IGF2BP1: variants seen among roughly 807,000 people sequenced by gnomAD.
IGF2BP1 encodes insulin-like growth factor 2 mRNA-binding protein 1.
In IGF2BP1, 11 loss-of-function variants were observed where a neutral mutation model predicts 74.9. The ratio of observed to expected loss-of-function variants is 0.15; its 90% confidence interval spans 0.09 to 0.24. The LOEUF (loss-of-function observed/expected upper bound fraction) is 0.24, where lower values mean the gene tolerates loss of function less well. Ranked by LOEUF, IGF2BP1 falls within the 10% of genes least tolerant of loss-of-function variation. IGF2BP1 has a pLI of 1.00. For synonymous variants in IGF2BP1, 287 were observed against 281.8 expected (o/e 1.02, Z -0.18); for missense variants, 440 against 757.4 (o/e 0.58, Z 4.92).
At chr17:49,046,069 C>T in intron 13 of IGF2BP1, 48 bp downstream of exon 13, 1 of 1,601,030 alleles carries the variant, frequency 6.2e-7, no homozygotes, top group Non-Finnish European at 8.5e-7. Flanking sequence ...GGTCTCCAAT[C>T]TCAGCAGCTC....
chr17:49,027,535 A>T (rs1212279469), intron 4 of IGF2BP1, among the ~76,000 whole-genome samples: 1 of 152,116 alleles, frequency 6.6e-6, no homozygotes, highest in Non-Finnish European at 1.5e-5. Flanking sequence ...ACAGAAGGAA[A>T]AATGATAAAG....
At chr17:49,027,365 G>A (rs1041763228) in intron 4 of IGF2BP1, among the ~76,000 whole-genome samples, 3 of 152,094 alleles carry the variant, frequency 2.0e-5, no homozygotes, top group African/African-American at 7.2e-5. Flanking sequence ...AAAGCTTCGT[G>A]TTTCTTGCTT....
chr17:49,041,817 T>C (rs1050486475), intron 8 of IGF2BP1, among the ~76,000 whole-genome samples: 20 of 152,172 alleles, frequency 1.3e-4, no homozygotes, highest in African/African-American at 4.6e-4. Flanking sequence ...GGCTTTAGGC[T>C]TGTCTGTCAC....
chr17:49,026,639 TCCTTCCTG>T (rs201911985), intron 4 of IGF2BP1, 122 bp downstream of exon 4: 42 of 772,512 alleles, frequency 5.4e-5, no homozygotes, highest in African/African-American at 2.4e-4. Flanking sequence ...CTTCCTGCCT[TCCTTCCTG>T]CCTGCCTTCC....
chr17:49,014,937 C>T (rs2041676162), intron 2 of IGF2BP1: 2 of 985,110 alleles, frequency 2.0e-6, no homozygotes, highest in Non-Finnish European at 2.4e-6. Flanking sequence ...GGACAGAGCC[C>T]GACTCTGTCT....
intron 12 of IGF2BP1, among the ~76,000 whole-genome samples, chr17:49,045,356 A>C (rs1247287641): frequency 6.6e-6 from 1 of 152,234 alleles, no homozygotes; most frequent in Non-Finnish European, 1.5e-5. Flanking sequence ...AAGGCCTTTA[A>C]TGCCAAATTC....
At chr17:49,032,676 C>T (rs960500205) in intron 5 of IGF2BP1, among the ~76,000 whole-genome samples, 1 of 152,232 alleles carries the variant, frequency 6.6e-6, no homozygotes, top group Admixed American at 6.5e-5. Context: ...AATCCTACCT[C>T]TTCTTCAAAT....
chr17:49,035,020 C>A (rs575403543), intron 5 of IGF2BP1, among the ~76,000 whole-genome samples: 2 of 152,140 alleles, frequency 1.3e-5, no homozygotes, highest in Non-Finnish European at 2.9e-5. Context: ...ATTAAACTCC[C>A]GAATTTTAAA....
chr17:49,025,561 C>A, intron 2 of IGF2BP1, 57 bp from the exon 3 acceptor site: 1 of 1,486,356 alleles, frequency 6.7e-7, no homozygotes, highest in Non-Finnish European at 9.3e-7. Context: ...ACTGCGAGTT[C>A]ACAGACCCCT....
chr17:49,035,600 A>T (rs897158879), intron 5 of IGF2BP1, among the ~76,000 whole-genome samples: 2 of 152,182 alleles, frequency 1.3e-5, no homozygotes, highest in African/African-American at 4.8e-5. Context: ...GGGCCCCACC[A>T]CATGGCGCCT....
Position 49,049,465 on chromosome 17 carries a change from C to T in IGF2BP1, c.*21C>T, listed in dbSNP as rs375100500. 1.6e-5 allele frequency: 25 copies of T among 1,602,960 alleles called. No homozygotes were observed. The highest frequency in any genetic ancestry group is 1.7e-4 in the Middle Eastern group (1 of 5,944). ...AGTGACCAGCCCCTCCCTGTCCCTT[C>T]GAGTCCAGGACAACAACGGGCAGAA... On this transcript the variant is annotated 3_prime_UTR_variant, in exon 15 of 15. Transcript: ENST00000290341.
chr17:49,002,862 G>A (rs1178405260), intron 2 of IGF2BP1, among the ~76,000 whole-genome samples: 1 of 152,070 alleles, frequency 6.6e-6, no homozygotes, highest in Non-Finnish European at 1.5e-5. Context: ...TTCCTTCACT[G>A]CTGGTAGAAA....
At chr17:49,041,218 T>C (rs549627831) in intron 7 of IGF2BP1, among the ~76,000 whole-genome samples, 160 bp from the exon 8 acceptor site, 2 of 152,354 alleles carry the variant, frequency 1.3e-5, no homozygotes, top group Admixed American at 6.5e-5. Context: ...GTTCAATTGA[T>C]GTATAATAAA....
chr17:49,015,977 A>G (rs1474705857), intron 2 of IGF2BP1, among the ~76,000 whole-genome samples: 1 of 152,090 alleles, frequency 6.6e-6, no homozygotes, highest in African/African-American at 2.4e-5. Flanking sequence ...CCCACTAACA[A>G]ATCTCCCTGA....
chr17:49,040,106 T>C lies in IGF2BP1; in HGVS notation c.818+15T>C, dbSNP rs1567825551. 9 of 1,613,594 alleles carry C rather than the reference T, an allele frequency of 5.6e-6. No individual in the cohort carries two copies. The highest frequency in any genetic ancestry group is 7.6e-6 in the Non-Finnish European group (9 of 1,179,822). ...GACACCAAAACGTAAGTCTCCAGCT[T>C]TTCTTGGATCTTCAGGGTCTGCTAG... On this transcript the variant is annotated intron_variant, in intron 7 of 14. Coordinates refer to ENST00000290341, the MANE Select transcript of IGF2BP1 (RefSeq NM_006546.4).
At position 49,051,323 on chromosome 17, in the gene IGF2BP1, A is replaced by G. The variant is rs765244593; in HGVS notation, c.*1879A>G. 3.3e-5 allele frequency: 5 copies of G among 152,654 alleles called. No homozygotes were observed. Among genetic ancestry groups the G allele is most frequent in the African/African-American group, 1.2e-4 (5 of 41,454 alleles). The allele number at this position is 152,654 out of a possible 1,614,324, so 9.5% of individuals were successfully genotyped here. ...GCCAGTAACCCTTTAGGAACTCTCT[A>G]TGGAGAACAGGCCTGGTGGGAAAGG... On this transcript the variant is annotated 3_prime_UTR_variant, in exon 15 of 15. Transcript: ENST00000290341.
In IGF2BP1 at chr17:49,055,073, G is replaced by C. The variant is rs903863305; in HGVS notation, c.*5629G>C. 2 of 150,980 alleles carry C rather than the reference G, an allele frequency of 1.3e-5. No individual in the cohort carries two copies. Among genetic ancestry groups the C allele is most frequent in the Non-Finnish European group, 3.0e-5 (2 of 67,712 alleles). 9.4% of individuals were successfully genotyped at this position (150,980 alleles called of 1,614,324 possible). ...GGCAGCTCCACTTGCTTAGGTTAGG[G>C]GGGGAAAAAGATTTCTTTTTCCAAA... On this transcript the variant is annotated 3_prime_UTR_variant, in exon 15 of 15. Coordinates refer to ENST00000290341, the MANE Select transcript of IGF2BP1 (RefSeq NM_006546.4).
chr17:49,024,693 A>G (rs1285510813), intron 2 of IGF2BP1, among the ~76,000 whole-genome samples: 1 of 152,234 alleles, frequency 6.6e-6, no homozygotes, highest in Non-Finnish European at 1.5e-5. Context: ...AGTGGAGCAT[A>G]GGTTTAAATC....
intron 4 of IGF2BP1, among the ~76,000 whole-genome samples, chr17:49,028,023 A>G (rs2144064667): frequency 6.6e-6 from 1 of 151,606 alleles, no homozygotes; most frequent in Non-Finnish European, 1.5e-5. Flanking sequence ...ATTAGCTGGG[A>G]GTGGTGGTAC....
Sources: gnomAD v4.1 joint callset for allele counts (sites outside exome capture counted in the v4.1 genomes callset) on GRCh38, gnomAD v4.1.1 for gene constraint, MANE v1.5 for transcripts, NCBI Gene and HGNC (gene_info 2026-07-23, HGNC 2026-07-21) for gene names.